The following AKAP19 variants were observed in gnomAD, a reference collection of about 807,000 sequenced individuals.
AKAP19 encodes the protein A-kinase anchoring protein 19.
chr2:189,931,359 ATTG>A, the AKAP19 span, among the ~76,000 whole-genome samples: 1 of 152,042 alleles, frequency 6.6e-6, no homozygotes, highest in Non-Finnish European at 1.5e-5. Context: ...TTGATGCAAT[ATTG>A]TTATTATTAT....
At chr2:190,097,317 A>C in the AKAP19 span, among the ~76,000 whole-genome samples, 13 of 152,228 alleles carry the variant, frequency 8.5e-5, no homozygotes, top group Non-Finnish European at 7.4e-5. Flanking sequence ...CAGTGAGAAC[A>C]TACAGTGTTT....
chr2:190,084,049 C>T, the AKAP19 span, among the ~76,000 whole-genome samples: 1 of 151,850 alleles, frequency 6.6e-6, no homozygotes, highest in Admixed American at 6.6e-5. Context: ...AAAGCCCTAC[C>T]CCCAGAGAGT....
chr2:189,946,346 A>G, the AKAP19 span, among the ~76,000 whole-genome samples: 1 of 152,226 alleles, frequency 6.6e-6, no homozygotes, highest in Admixed American at 6.5e-5. Context: ...GAGCAGGCTC[A>G]TGCCTATAAT....
At chr2:190,077,693 A>G in the AKAP19 span, among the ~76,000 whole-genome samples, 1 of 151,940 alleles carries the variant, frequency 6.6e-6, no homozygotes, top group African/African-American at 2.4e-5. Flanking sequence ...AGTGCAGGGG[A>G]TTGTAAATAT....
chr2:190,039,579 G>A, the AKAP19 span, among the ~76,000 whole-genome samples: 2 of 151,870 alleles, frequency 1.3e-5, no homozygotes, highest in African/African-American at 4.8e-5. Context: ...ATAGGTAAAC[G>A]TGTGCCACAG....
At chr2:189,972,955 C>G in the AKAP19 span, among the ~76,000 whole-genome samples, 1 of 152,142 alleles carries the variant, frequency 6.6e-6, no homozygotes, top group Non-Finnish European at 1.5e-5. Flanking sequence ...TCCTCTTTTC[C>G]TAATTGAATA....
the AKAP19 span, among the ~76,000 whole-genome samples, chr2:190,147,406 T>G: frequency 6.6e-6 from 1 of 152,206 alleles, no homozygotes; most frequent in Admixed American, 6.5e-5. Context: ...GACTATGGCC[T>G]TATAGTATAG....
At chr2:189,922,888 G>C in the AKAP19 span, among the ~76,000 whole-genome samples, 1 of 152,160 alleles carries the variant, frequency 6.6e-6, no homozygotes, top group African/African-American at 2.4e-5. Flanking sequence ...GGTGGCTCAT[G>C]CCTGTAGTCT....
chr2:190,026,869 A>T, the AKAP19 span, among the ~76,000 whole-genome samples: 1 of 152,208 alleles, frequency 6.6e-6, no homozygotes, highest in Non-Finnish European at 1.5e-5. Flanking sequence ...GGTATACTAA[A>T]TAAGAATTTC....
At chr2:190,145,831 A>ATG in the AKAP19 span, among the ~76,000 whole-genome samples, 2 of 148,266 alleles carry the variant, frequency 1.3e-5, no homozygotes, top group Admixed American at 1.3e-4. Flanking sequence ...ATATATATGT[A>ATG]TATGTATGTG....
At chr2:189,923,897 A>G in the AKAP19 span, 1 of 1,611,380 alleles carries the variant, frequency 6.2e-7, no homozygotes, top group East Asian at 2.2e-5. Context: ...GAGGGAGCTG[A>G]CCCAGATAAA....
chr2:189,911,542 G>A, the AKAP19 span, among the ~76,000 whole-genome samples: 3 of 152,006 alleles, frequency 2.0e-5, no homozygotes, highest in Non-Finnish European at 4.4e-5. Flanking sequence ...TTTATGTGTG[G>A]TAGAAAAATA....
the AKAP19 span, among the ~76,000 whole-genome samples, chr2:189,903,282 A>C: frequency 6.6e-6 from 1 of 152,144 alleles, no homozygotes; most frequent in South Asian, 2.1e-4. Flanking sequence ...AATATAAATA[A>C]TATGAAAAAT....
the AKAP19 span, among the ~76,000 whole-genome samples, chr2:190,065,915 G>A: frequency 6.6e-6 from 1 of 152,112 alleles, no homozygotes; most frequent in African/African-American, 2.4e-5. Context: ...AGAATAGAAG[G>A]GCTCACCAGC....
At chr2:190,135,122 A>G in the AKAP19 span, among the ~76,000 whole-genome samples, 2 of 152,164 alleles carry the variant, frequency 1.3e-5, no homozygotes, top group Admixed American at 6.5e-5. Context: ...TGAATTTGTT[A>G]TCTATTTCGG....
chr2:189,989,417 A>G, the AKAP19 span, among the ~76,000 whole-genome samples: 1 of 152,176 alleles, frequency 6.6e-6, no homozygotes, highest in African/African-American at 2.4e-5. Context: ...AAAACTCCTA[A>G]GAGCACAGAA....
the AKAP19 span, among the ~76,000 whole-genome samples, chr2:190,008,178 A>T: frequency 6.6e-6 from 1 of 152,234 alleles, no homozygotes; most frequent in Non-Finnish European, 1.5e-5. Context: ...AACACAATAG[A>T]TGAAACTCAC....
At chr2:189,950,437 T>C in the AKAP19 span, among the ~76,000 whole-genome samples, 1 of 151,352 alleles carries the variant, frequency 6.6e-6, no homozygotes. Flanking sequence ...TGTTAACTGA[T>C]TGTGAAGAGT....
chr2:190,139,865 T>C, the AKAP19 span, among the ~76,000 whole-genome samples: 1 of 152,126 alleles, frequency 6.6e-6, no homozygotes, highest in African/African-American at 2.4e-5. Flanking sequence ...CCCAATATCT[T>C]AACTCATTCT....
Sources: gnomAD v4.1 joint callset for allele counts (sites outside exome capture counted in the v4.1 genomes callset) on GRCh38, gnomAD v4.1.1 for gene constraint, MANE v1.5 for transcripts, NCBI Gene and HGNC (gene_info 2026-07-23, HGNC 2026-07-21) for gene names.